The following STK32C variants were observed in gnomAD, a reference collection of about 807,000 sequenced individuals.
STK32C encodes serine/threonine kinase 32C.
Under a neutral mutation model 56.5 loss-of-function variants are expected in STK32C, and 31 were observed. The ratio of observed to expected loss-of-function variants is 0.55; its 90% CI spans 0.41 to 0.74. STK32C has a LOEUF of 0.74. Among genes scored for constraint, STK32C ranks in the 30% least tolerant of loss-of-function variants. The probability of loss-of-function intolerance (pLI) is 0.00; values close to 1 mark genes in which losing one functional copy is unlikely to be tolerated. For synonymous variants in STK32C, 309 were observed against 289.4 expected, an observed-to-expected ratio of 1.07 and a Z score of -0.69; for missense variants, 544 against 676.9, an observed-to-expected ratio of 0.80 and a Z score of 2.18.
At chr10:132,291,074 G>T (rs1270881071) in intron 1 of STK32C, among the ~76,000 whole-genome samples, 1 of 152,202 alleles carries the variant, frequency 6.6e-6, no homozygotes, top group African/African-American at 2.4e-5. Flanking sequence ...TTTGTATGTT[G>T]AAAACACAAA....
rs536370943 is a variant in STK32C at position 132,267,163 on chromosome 10, T to C, written c.263-21208A>G. ...TGTGACACGTGGGCCCTGGGCTCAG[T>C]CCAGGCAGTGAGCCAGCTGCAGTAG... On this transcript the variant is annotated intron_variant, in intron 1 of 11. Coordinates refer to ENST00000298630, the MANE Select transcript of STK32C (RefSeq NM_173575.4). Among the ~76,000 whole-genome samples, 14 of 152,278 alleles carry C rather than the reference T, an allele frequency of 9.2e-5. No homozygotes were observed. In the South Asian group the frequency reaches 1.7e-3, roughly 18 times the overall value.
intron 1 of STK32C, chr10:132,249,134 CAGGGCGTGCAGGGGGCGGGGCGTGCAG>C (rs1360625255): frequency 4.7e-6 from 2 of 427,022 alleles, no homozygotes; most frequent in Non-Finnish European, 9.4e-6. Flanking sequence ...GCTGTGGCGT[CAGGGCGTGCAGGGGGCGGGGCGTGCAG>C]GGGGCGGGGC....
chr10:132,307,994 G>C (rs2066135477), upstream of STK32C: 20 of 979,710 alleles, frequency 2.0e-5, no homozygotes, highest in Non-Finnish European at 2.3e-5. The surrounding 1 kb of genome is among the most constrained non-coding windows in gnomAD (Gnocchi z 4.4). Flanking sequence ...CTGGGGGCGG[G>C]GCAGGGGCGG....
downstream of STK32C, among the ~76,000 whole-genome samples, chr10:132,321,429 G>A (rs1488810688): frequency 6.6e-6 from 1 of 152,158 alleles, no homozygotes; most frequent in Admixed American, 6.6e-5. Flanking sequence ...CCTCCACATA[G>A]CCTGCTGGGA....
chr10:132,221,887 A>G (rs1413874805), intron 10 of STK32C, among the ~76,000 whole-genome samples: 1 of 87,530 alleles, frequency 1.1e-5, no homozygotes, highest in Non-Finnish European at 2.5e-5. Context: ...CACAACTAAT[A>G]TCAACGCACC....
At chr10:132,295,801 T>C (rs1456369149) in intron 1 of STK32C, among the ~76,000 whole-genome samples, 1 of 151,744 alleles carries the variant, frequency 6.6e-6, no homozygotes, top group Non-Finnish European at 1.5e-5. Context: ...AAAGAATCGC[T>C]TGAACCCAGA....
At chr10:132,326,718 G>A (rs1313286621) in intron 1 of STK32C, among the ~76,000 whole-genome samples, 3 of 152,030 alleles carry the variant, frequency 2.0e-5, no homozygotes, top group African/African-American at 2.4e-5. Context: ...TGCTGGTCAC[G>A]GTCTGAACTA....
chr10:132,283,352 C>CA (rs2065274895), intron 1 of STK32C, among the ~76,000 whole-genome samples: 1 of 152,248 alleles, frequency 6.6e-6, no homozygotes, highest in Non-Finnish European at 1.5e-5. Context: ...GCGGAGCAAA[C>CA]AGGCTGTGAA....
intron 10 of STK32C, among the ~76,000 whole-genome samples, chr10:132,219,541 G>A (rs1161530778): frequency 6.6e-6 from 1 of 152,134 alleles, no homozygotes; most frequent in Non-Finnish European, 1.5e-5. Context: ...CTCTGGTAGG[G>A]AAAACTTAAA....
upstream of STK32C, among the ~76,000 whole-genome samples, chr10:132,308,998 A>C (rs2066168240): frequency 6.6e-6 from 1 of 152,204 alleles, no homozygotes. Flanking sequence ...CTGCCCTGTA[A>C]CCAGGACACA....
At chr10:132,320,962 C>T (rs2066395812), downstream of STK32C, among the ~76,000 whole-genome samples, 1 of 152,232 alleles carries the variant, frequency 6.6e-6, no homozygotes, top group Non-Finnish European at 1.5e-5. Flanking sequence ...CATCTCCATA[C>T]CCTGCCATGG....
At chr10:132,241,118 C>T (rs150429405) in intron 2 of STK32C, among the ~76,000 whole-genome samples, 1,854 of 152,366 alleles carry the variant, frequency 0.012, 13 homozygotes, top group Middle Eastern at 0.027. Context: ...GGCTGTTATT[C>T]CCAGGAGCAC....
upstream of STK32C, among the ~76,000 whole-genome samples, chr10:132,310,187 C>T (rs572749442): frequency 6.6e-6 from 1 of 152,306 alleles, no homozygotes; most frequent in South Asian, 2.1e-4. This position sits in a 1 kb window ranked among gnomAD's most constrained non-coding sequence, Gnocchi z 4.6. Context: ...AACTAGGAGA[C>T]CCTCCAACCT....
intron 7 of STK32C, 102 bp downstream of exon 7, chr10:132,225,131 C>G (rs1463594276): frequency 1.2e-6 from 1 of 860,944 alleles, no homozygotes; most frequent in Non-Finnish European, 1.8e-6. Flanking sequence ...GGAGACATCC[C>G]TGCGCACCTG....
At chr10:132,268,070 CGT>C (rs372495069) in intron 1 of STK32C, among the ~76,000 whole-genome samples, 6 of 127,864 alleles carry the variant, frequency 4.7e-5, no homozygotes, top group South Asian at 2.8e-4. Context: ...TGTCCCACGT[CGT>C]GTGTGTGTGT....
intron 1 of STK32C, among the ~76,000 whole-genome samples, chr10:132,288,754 T>A (rs564460884): frequency 6.6e-6 from 1 of 152,364 alleles, no homozygotes; most frequent in South Asian, 2.1e-4. Flanking sequence ...TTAACAGATG[T>A]ACAAGACTTG....
chr10:132,269,264 C>T (rs1295819588), intron 1 of STK32C, among the ~76,000 whole-genome samples: 1 of 152,192 alleles, frequency 6.6e-6, no homozygotes, highest in East Asian at 1.9e-4. Flanking sequence ...TGTGTGCACA[C>T]GGTGGTATGC....
rs1453105351 is a variant in STK32C at position 132,282,447 on chromosome 10, ACCCACCTGTGCCTGCG to A, written c.262+25109_262+25124del. 1.1e-3 allele frequency among the ~76,000 whole-genome samples: 156 copies of A among 137,828 alleles called. 1 individual carries two copies. Among genetic ancestry groups the A allele is most frequent in the African/African-American group, 4.1e-3 (147 of 35,556 alleles). The allele number at this position is 137,828 out of a possible 152,430, so 90.4% of individuals were successfully genotyped here. A position where few individuals can be genotyped will look rare whatever the true frequency, so the allele number is the denominator to read the frequency against. Reference sequence around the variant, plus strand: ...TGTGCCTGCGCCCACCTGTACCTGCACCCACCTGTGCCTGCGCCCACCTGTACCTGCGCCCACCTGT... The same window carrying A: ...TGTGCCTGCGCCCACCTGTACCTGCACCCACCTGTACCTGCGCCCACCTGT... On this transcript the variant is annotated intron_variant, in intron 1 of 11. Transcript: ENST00000298630.
At chr10:132,311,352 T>C (rs1036676168), upstream of STK32C, among the ~76,000 whole-genome samples, 4 of 152,378 alleles carry the variant, frequency 2.6e-5, no homozygotes, top group Admixed American at 2.6e-4. The surrounding 1 kb of genome is among the most constrained non-coding windows in gnomAD (Gnocchi z 4.4). Context: ...ACTCCGATGC[T>C]GGTGTCCACC....
Sources: gnomAD v4.1 joint callset for allele counts (sites outside exome capture counted in the v4.1 genomes callset) on GRCh38, gnomAD v4.1.1 for gene constraint, Gnocchi (gnomAD v3.1) non-coding constraint, MANE v1.5 for transcripts, NCBI Gene and HGNC (gene_info 2026-07-23, HGNC 2026-07-21) for gene names.